Variants in PCSK5 observed in about 807,000 individuals in gnomAD.
The protein encoded by PCSK5 is proprotein convertase subtilisin/kexin type 5.
PCSK5 carries 129 observed loss-of-function variants against 233.2 expected under a neutral mutation model. The ratio of observed to expected loss-of-function variants is 0.55; its 90% confidence interval spans 0.48 to 0.64. The LOEUF (loss-of-function observed/expected upper bound fraction) is 0.64. Among genes scored for constraint, PCSK5 ranks in the 30% least tolerant of loss-of-function variants. The pLI, the probability that PCSK5 is intolerant of heterozygous loss-of-function variation, is 0.00. For synonymous variants in PCSK5, 825 were observed against 879.2 expected (o/e 0.94, Z 1.09); for missense variants, 2,076 against 2,430.1 (o/e 0.85, Z 3.06).
At chr9:75,923,654 C>T (rs1205894330) in intron 1 of PCSK5, among the ~76,000 whole-genome samples, 1 of 152,110 alleles carries the variant, frequency 6.6e-6, no homozygotes, top group Admixed American at 6.5e-5. Context: ...TGTTAGGTTC[C>T]TATTGCTGCT....
rs953788964 is a variant in PCSK5, at chr9:76,332,355, T to C, written c.4571-78T>C. 5 of 1,047,680 alleles carry C rather than the reference T, an allele frequency of 4.8e-6. No homozygotes were observed. The African/African-American group carries it at 6.3e-5, about 13-fold the overall frequency. 64.9% of individuals were successfully genotyped at this position (1,047,680 alleles called of 1,614,324 possible). A position where few individuals can be genotyped will look rare whatever the true frequency, so the allele number is the denominator to read the frequency against. On this transcript the variant is annotated intron_variant, in intron 33 of 37. Coordinates refer to ENST00000674117, the MANE Select transcript of PCSK5 (RefSeq NM_001372043.1). ...TGCAGCCCTCTCCTCCCTCCCGCCA[T>C]GGTACACAAGAGGGAAAATACAGGG...
intron 1 of PCSK5, among the ~76,000 whole-genome samples, chr9:75,916,186 G>C (rs1301479290): frequency 6.6e-6 from 1 of 152,168 alleles, no homozygotes; most frequent in Admixed American, 6.5e-5. Flanking sequence ...TTGAAAATAT[G>C]ACTCCAAGAA....
intron 15 of PCSK5, among the ~76,000 whole-genome samples, chr9:76,180,949 ATTAAT>A (rs781421531): frequency 6.6e-6 from 1 of 151,104 alleles, no homozygotes; most frequent in Non-Finnish European, 1.5e-5. Context: ...ATATATTTAT[ATTAAT>A]TTAGACAACA....
At chr9:76,164,406 G>C (rs963126924) in intron 12 of PCSK5, among the ~76,000 whole-genome samples, 16 of 152,096 alleles carry the variant, frequency 1.1e-4, no homozygotes, top group Admixed American at 9.8e-4. Flanking sequence ...TACCTCACAG[G>C]GTTGGTTGGT....
chr9:76,065,270 C>G (rs59678009), intron 5 of PCSK5, among the ~76,000 whole-genome samples: 15,780 of 147,854 alleles, frequency 0.11, 1,251 homozygotes, highest in East Asian at 0.36. Flanking sequence ...CAGCAGTGTT[C>G]TCTTTTCACT....
In PCSK5 at chr9:76,221,614, C is replaced by T. The variant is rs373266103; in HGVS notation, c.2627-5889C>T. ...ATGATTGCTACATCACTACTACATT[C>T]AGGTGCGTCAGCCAAGACTTCACTT... On this transcript the variant is annotated intron_variant, in intron 20 of 37. Transcript: ENST00000674117. 5.3e-5 allele frequency among the ~76,000 whole-genome samples: 8 copies of T among 152,234 alleles called. No individual in the cohort carries two copies. The East Asian group carries it at 9.6e-4, about 18-fold the overall frequency.
chr9:76,138,689 T>C (rs1823079795), intron 10 of PCSK5, among the ~76,000 whole-genome samples: 1 of 152,040 alleles, frequency 6.6e-6, no homozygotes, highest in Admixed American at 6.6e-5. Context: ...TTCAAAGTGT[T>C]TATATTGGAT....
chr9:75,990,608 T>C (rs1826726170), intron 3 of PCSK5, among the ~76,000 whole-genome samples: 1 of 152,220 alleles, frequency 6.6e-6, no homozygotes. Flanking sequence ...TGCTAAGCGC[T>C]GAGAGTTTAG....
chr9:76,184,597 A>T (rs1265847888), intron 16 of PCSK5, 76 bp from the exon 17 acceptor site: 1 of 897,830 alleles, frequency 1.1e-6, no homozygotes, highest in African/African-American at 1.6e-5. Context: ...TACATTAGCA[A>T]GCATTAGAAC....
chr9:76,109,560 GTTT>G (rs61400585), intron 9 of PCSK5, among the ~76,000 whole-genome samples: 2,921 of 136,784 alleles, frequency 0.021, 83 homozygotes, highest in African/African-American at 0.074. Flanking sequence ...GACTACAATT[GTTT>G]TTTTTTTTTT....
At chr9:76,269,393 A>G (rs1827435796) in intron 24 of PCSK5, among the ~76,000 whole-genome samples, 1 of 152,196 alleles carries the variant, frequency 6.6e-6, no homozygotes, top group Non-Finnish European at 1.5e-5. Context: ...TCCTCGGGCT[A>G]CCAAGTGATT....
At chr9:75,894,037 C>T (rs994579932) in intron 1 of PCSK5, among the ~76,000 whole-genome samples, 3 of 152,170 alleles carry the variant, frequency 2.0e-5, no homozygotes, top group Admixed American at 2.0e-4. Flanking sequence ...ATCAGTAAAC[C>T]AGCTGTGGAT....
intron 24 of PCSK5, among the ~76,000 whole-genome samples, chr9:76,283,787 A>C (rs1288453088): frequency 6.6e-6 from 1 of 152,266 alleles, no homozygotes; most frequent in East Asian, 1.9e-4. Flanking sequence ...GAAGAGGTTG[A>C]AAAAATGGAA....
intron 1 of PCSK5, among the ~76,000 whole-genome samples, chr9:75,913,195 G>T (rs1332985239): frequency 6.6e-6 from 1 of 152,180 alleles, no homozygotes; most frequent in Non-Finnish European, 1.5e-5. Context: ...TTCCCACAGA[G>T]CTCAGAGCTT....
At chr9:76,176,523 T>C (rs1424010880) in intron 14 of PCSK5, among the ~76,000 whole-genome samples, 1 of 152,246 alleles carries the variant, frequency 6.6e-6, no homozygotes, top group Non-Finnish European at 1.5e-5. Context: ...TTTAAAAGTC[T>C]CATTGGAATT....
chr9:76,090,821 A>C lies in PCSK5; in HGVS notation c.895-5069A>C, dbSNP rs141552147. 3.7e-3 allele frequency among the ~76,000 whole-genome samples: 567 copies of C among 152,138 alleles called. 5 individuals are homozygous for C. The highest frequency in any genetic ancestry group is 0.024 in the South Asian group (116 of 4,806). On this transcript the variant is annotated intron_variant, in intron 7 of 37. Transcript: ENST00000674117. ...AATATAAAATGAAATTATACAACTC[A>C]CCATAATGTAGAATCATGGGAACCC... is the stretch of plus-strand genomic sequence containing the variant.
chr9:76,308,395 T>TA (rs1201320837), intron 28 of PCSK5, among the ~76,000 whole-genome samples: 2 of 152,204 alleles, frequency 1.3e-5, no homozygotes, highest in Non-Finnish European at 2.9e-5. Context: ...CCACATTCCT[T>TA]GTGGTACCAC....
At chr9:76,286,141 T>C (rs1828056584) in intron 24 of PCSK5, among the ~76,000 whole-genome samples, 2 of 152,144 alleles carry the variant, frequency 1.3e-5, no homozygotes, top group Non-Finnish European at 2.9e-5. Flanking sequence ...CTGCAGGTCA[T>C]TTTTCCCCCC....
At chr9:76,087,071 A>T (rs7040063) in intron 7 of PCSK5, among the ~76,000 whole-genome samples, 25,888 of 152,122 alleles carry the variant, frequency 0.17, 2,244 homozygotes, top group East Asian at 0.23. Context: ...TTATACTGTG[A>T]AAATAAACAA....
Sources: allele counts gnomAD v4.1 joint callset (sites outside exome capture counted in the v4.1 genomes callset), GRCh38; gene constraint gnomAD v4.1.1; transcripts MANE v1.5; gene names NCBI Gene and HGNC (gene_info 2026-07-23, HGNC 2026-07-21).